CDH13: variants seen among roughly 807,000 people sequenced by gnomAD.
CDH13 encodes cadherin-13.
In CDH13, 24 loss-of-function variants were observed where a neutral mutation model predicts 63.8. The ratio of observed to expected loss-of-function variants is 0.38; its 90% CI spans 0.27 to 0.53. The LOEUF (loss-of-function observed/expected upper bound fraction) is 0.53. CDH13 is among the 20% of genes least tolerant of loss of function. CDH13 has a pLI of 0.85. For missense variants in CDH13, 1,049 were observed against 903.1 expected (o/e 1.16, Z -2.07); for synonymous variants, 503 against 355.3 (o/e 1.42, Z -4.67).
intron 8 of CDH13, among the ~76,000 whole-genome samples, chr16:83,635,072 C>A (rs533915532): frequency 6.6e-6 from 1 of 152,232 alleles, no homozygotes; most frequent in South Asian, 2.1e-4. Context: ...ACATTCTCAC[C>A]AGCATTTGGT....
intron 5 of CDH13, among the ~76,000 whole-genome samples, chr16:83,304,260 A>C (rs1482616982): frequency 6.6e-6 from 1 of 152,130 alleles, no homozygotes; most frequent in Non-Finnish European, 1.5e-5. Flanking sequence ...AAGTACATGA[A>C]ATTGGATGTG....
At chr16:83,669,135 G>T (rs1021764503) in intron 8 of CDH13, among the ~76,000 whole-genome samples, 1 of 152,164 alleles carries the variant, frequency 6.6e-6, no homozygotes, top group East Asian at 1.9e-4. Flanking sequence ...TTCCCTGACT[G>T]ATGCCTGATT....
intron 6 of CDH13, among the ~76,000 whole-genome samples, chr16:83,426,618 T>C (rs1269203657): frequency 6.6e-6 from 1 of 151,938 alleles, no homozygotes; most frequent in African/African-American, 2.4e-5. Context: ...CAACATGGAC[T>C]GGAAGAGGGG....
intron 13 of CDH13, among the ~76,000 whole-genome samples, chr16:83,785,762 C>G (rs1915837851): frequency 6.6e-6 from 1 of 152,044 alleles, no homozygotes; most frequent in South Asian, 2.1e-4. Flanking sequence ...AAGTAGCTAC[C>G]CATACCTGAG....
intron 3 of CDH13, among the ~76,000 whole-genome samples, chr16:83,100,735 G>C (rs947661148): frequency 7.9e-5 from 12 of 152,192 alleles, no homozygotes; most frequent in Non-Finnish European, 1.8e-4. Context: ...GGATAGACTT[G>C]ACCATATGTT....
chr16:83,272,563 G>A (rs1361256616), intron 5 of CDH13, among the ~76,000 whole-genome samples: 1 of 152,186 alleles, frequency 6.6e-6, no homozygotes. Flanking sequence ...CAGCGTTGCA[G>A]TCCGGGGCTC....
At chr16:82,761,017 CTTTTTTTTTTTTTTTTT>C (rs35038319) in intron 1 of CDH13, among the ~76,000 whole-genome samples, 9 of 40,486 alleles carry the variant, frequency 2.2e-4, no homozygotes, top group African/African-American at 8.0e-4. Context: ...TTCTTTCTTT[CTTTTTTTTTTTTTTTTT>C]TTTTTTTTTT....
chr16:83,436,452 A>G (rs1173626369), intron 6 of CDH13, among the ~76,000 whole-genome samples: 1 of 151,790 alleles, frequency 6.6e-6, no homozygotes, highest in African/African-American at 2.4e-5. Context: ...CCTGGGTGAC[A>G]GAGTGAGACC....
At chr16:83,697,927 C>T (rs1036125762) in intron 10 of CDH13, among the ~76,000 whole-genome samples, 2 of 152,298 alleles carry the variant, frequency 1.3e-5, no homozygotes, top group Admixed American at 6.5e-5. Flanking sequence ...GGATTACAGG[C>T]GTGAGCCACT....
chr16:83,366,616 G>T (rs982058825), intron 6 of CDH13, among the ~76,000 whole-genome samples: 1 of 152,144 alleles, frequency 6.6e-6, no homozygotes, highest in Non-Finnish European at 1.5e-5. Context: ...CTGGTTTAAG[G>T]CTTGTACAAG....
chr16:83,384,413 C>G (rs758929152), intron 6 of CDH13, among the ~76,000 whole-genome samples: 10 of 152,142 alleles, frequency 6.6e-5, no homozygotes, highest in Admixed American at 6.5e-4. Context: ...AATAGACTAC[C>G]GAGGCGAATT....
chr16:83,756,299 T>C (rs1295860892), intron 11 of CDH13, among the ~76,000 whole-genome samples: 1 of 152,152 alleles, frequency 6.6e-6, no homozygotes, highest in Non-Finnish European at 1.5e-5. Context: ...TCAAGTAATA[T>C]TATCAGACTA....
At chr16:83,450,056 C>T (rs945824614) in intron 6 of CDH13, among the ~76,000 whole-genome samples, 20 of 152,166 alleles carry the variant, frequency 1.3e-4, no homozygotes, top group Admixed American at 3.3e-4. Flanking sequence ...TTGCAGAGTT[C>T]AATGCCGACA....
chr16:83,597,892 T>C (rs1971068), intron 7 of CDH13, among the ~76,000 whole-genome samples: 48,499 of 152,058 alleles, frequency 0.32, 7,964 homozygotes, highest in Middle Eastern at 0.42. Flanking sequence ...TGTACATACC[T>C]CTGCTAAGCT....
At chr16:83,087,422 C>A (rs1012799009) in intron 3 of CDH13, among the ~76,000 whole-genome samples, 1 of 152,090 alleles carries the variant, frequency 6.6e-6, no homozygotes, top group African/African-American at 2.4e-5. Flanking sequence ...GTAATCCCAG[C>A]ACTTTGAGAG....
rs74033931 is a variant in CDH13, at chr16:83,147,441, C to T, written c.483+21940C>T. ...CAACATTCCTCAGGGCTCCCTATGA[C>T]GTAAATTCCAAGCTTCTCTGTGTGA... On this transcript the variant is annotated intron_variant, in intron 4 of 13. Coordinates refer to ENST00000567109, the MANE Select transcript of CDH13 (RefSeq NM_001257.5). 4.4e-3 allele frequency among the ~76,000 whole-genome samples: 668 copies of T among 152,254 alleles called. 7 individuals are homozygous for T. The highest frequency in any genetic ancestry group is 0.014 in the African/African-American group (586 of 41,544).
intron 13 of CDH13, among the ~76,000 whole-genome samples, chr16:83,784,667 T>G (rs780828557): frequency 3.3e-5 from 5 of 150,774 alleles, no homozygotes; most frequent in Admixed American, 6.6e-5. Context: ...GAAGCCATTA[T>G]AGCATTTCAC....
At chr16:83,123,232 A>G (rs1181418572) in intron 3 of CDH13, among the ~76,000 whole-genome samples, 2 of 151,640 alleles carry the variant, frequency 1.3e-5, no homozygotes, top group African/African-American at 4.9e-5. Flanking sequence ...GTATAGATAT[A>G]TTTACATATA....
At chr16:83,258,720 G>C (rs1597609570) in intron 5 of CDH13, among the ~76,000 whole-genome samples, 2 of 152,272 alleles carry the variant, frequency 1.3e-5, no homozygotes, top group East Asian at 3.9e-4. Context: ...ACACCAACAG[G>C]GGTGTTTGTA....
Sources: allele counts gnomAD v4.1 joint callset (sites outside exome capture counted in the v4.1 genomes callset), GRCh38; gene constraint gnomAD v4.1.1; transcripts MANE v1.5; gene names NCBI Gene and HGNC (gene_info 2026-07-23, HGNC 2026-07-21).